PIWIL3: variants seen among roughly 807,000 people sequenced by gnomAD.
PIWIL3 encodes the protein piwi-like protein 3.
A neutral mutation model predicts 109.7 loss-of-function variants in PIWIL3; 101 were observed. The ratio of observed to expected loss-of-function variants is 0.92; its 90% CI spans 0.78 to 1.09. The LOEUF (loss-of-function observed/expected upper bound fraction) is 1.09, where lower values mean the gene tolerates loss of function less well. PIWIL3 is among the 50% of genes least tolerant of loss of function. PIWIL3 has a pLI of 0.00. For missense variants in PIWIL3, 1,031 were observed against 1,072.6 expected, an observed-to-expected ratio of 0.96 and a Z score of 0.54; for synonymous variants, 373 against 376.4, an observed-to-expected ratio of 0.99 and a Z score of 0.10.
chr22:24,719,748 T>C lies in PIWIL3; in HGVS notation c.2505A>G (p.Pro835=). The change falls in exon 20 of 21, where the codon CCA becomes CCG. Residue 835 remains proline (P), a splice_region_variant and synonymous_variant. Transcript: ENST00000616349. ...GAAAAAAGTAACAAAAAGTACTTAC[T>C]GGCAAATTATAATACATGTGGCATA... ...YCLCHMYYNL[P]GIIRVPAPCH... The C allele has an allele frequency of 6.2e-6, 10 of 1,610,314 alleles. No homozygotes were observed. Among genetic ancestry groups the C allele is most frequent in the Non-Finnish European group, 8.5e-6 (10 of 1,177,290 alleles).
chr22:24,735,997 A>C, intron 12 of PIWIL3, 105 bp from the exon 13 acceptor site: 1 of 958,032 alleles, frequency 1.0e-6, no homozygotes, highest in Non-Finnish European at 1.5e-6. Context: ...GAAATGTTAC[A>C]ATTATAAACT....
chr22:24,754,728 T>C, intron 7 of PIWIL3, 56 bp downstream of exon 7: 1 of 1,400,282 alleles, frequency 7.1e-7, no homozygotes, highest in Non-Finnish European at 1.0e-6. Flanking sequence ...AATAACTTTC[T>C]CAAAAAATCC....
intron 12 of PIWIL3, among the ~76,000 whole-genome samples, chr22:24,738,210 T>C (rs1923778127): frequency 6.6e-6 from 1 of 152,106 alleles, no homozygotes; most frequent in Admixed American, 6.5e-5. Context: ...ATCATGTGAT[T>C]TGAGTGCCAG....
chr22:24,762,398 T>G lies in PIWIL3; in HGVS notation c.102A>C (p.Thr34=). ...AAGGAAACAACGTTACAGGGCTCACTGTAGCTGATCCAGGTGCTCTGGGTC... is the reference window on the plus strand; with the variant it reads ...AAGGAAACAACGTTACAGGGCTCACGGTAGCTGATCCAGGTGCTCTGGGTC... The part of the protein sequence containing the change: ...PGGPRAPGSA[T]TQEPPQLQST... The change falls in exon 2 of 21, where the codon ACA becomes ACC. Residue 34 remains threonine (T), a splice_region_variant and synonymous_variant. Transcript: ENST00000616349. The G allele has an allele frequency of 6.2e-7, 1 of 1,612,924 alleles. No homozygotes were observed. The highest frequency in any genetic ancestry group is 1.1e-5 in the South Asian group (1 of 90,830).
chr22:24,736,014 G>A, intron 12 of PIWIL3, 122 bp from the exon 13 acceptor site: 3 of 780,902 alleles, frequency 3.8e-6, no homozygotes, highest in South Asian at 4.6e-5. Flanking sequence ...AACTTGAATG[G>A]CCAATGTAGG....
chr22:24,724,936 G>T lies in PIWIL3; in HGVS notation c.2182C>A (p.His728Asn). The T allele has an allele frequency of 2.5e-6, 4 of 1,614,126 alleles. No homozygotes were observed. Among genetic ancestry groups the T allele is most frequent in the Non-Finnish European group, 3.4e-6 (4 of 1,180,026 alleles). ...TAGGTCGACATCTTTTTCGCTTCAT[G>T]GTCAAGCAATGCTTGAAGCTGACCA... Reference protein sequence around the residue: ...GDGQLQALLDHEAKKMSTYLK... With the variant: ...GDGQLQALLDNEAKKMSTYLK... Residue 728 changes from histidine to asparagine, a missense_variant, in exon 18 of 21, where the codon CAT (histidine) becomes AAT (asparagine). Coordinates refer to ENST00000616349, the MANE Select transcript of PIWIL3 (RefSeq NM_001255975.1).
chr22:24,745,334 C>CA (rs2147686110), intron 12 of PIWIL3, among the ~76,000 whole-genome samples: 1 of 152,242 alleles, frequency 6.6e-6, no homozygotes, highest in East Asian at 1.9e-4. Flanking sequence ...TGGTGTCTCA[C>CA]ACCTGTAATC....
At chr22:24,743,940 A>T (rs543390239) in intron 12 of PIWIL3, among the ~76,000 whole-genome samples, 1 of 152,090 alleles carries the variant, frequency 6.6e-6, no homozygotes, top group Non-Finnish European at 1.5e-5. Context: ...AAGGGGTTAT[A>T]AGACAGTATT....
intron 6 of PIWIL3, 81 bp downstream of exon 6, chr22:24,755,694 TAAGTGCTAG>T (rs746636550): frequency 4.0e-4 from 603 of 1,512,716 alleles, no homozygotes; most frequent in Non-Finnish European, 5.0e-4. Flanking sequence ...GGAAGAACAC[TAAGTGCTAG>T]AAGCAAATGG....
chr22:24,728,403 T>C, intron 14 of PIWIL3, 29 bp from the exon 15 acceptor site: 2 of 1,613,808 alleles, frequency 1.2e-6, no homozygotes, highest in Non-Finnish European at 1.7e-6. Flanking sequence ...TGACATTCCC[T>C]AAGATACAAC....
chr22:24,729,503 G>A (rs545260588), intron 14 of PIWIL3, among the ~76,000 whole-genome samples: 1 of 152,324 alleles, frequency 6.6e-6, no homozygotes, highest in East Asian at 1.9e-4. Flanking sequence ...AAACTTAGGA[G>A]TTACTGAAAC....
chr22:24,760,337 A>G (rs1313413132), intron 2 of PIWIL3, among the ~76,000 whole-genome samples: 2 of 152,172 alleles, frequency 1.3e-5, no homozygotes, highest in Non-Finnish European at 2.9e-5. Context: ...AAGTTACCCA[A>G]GCCAGCAGTG....
chr22:24,748,193 T>C (rs1460359530), intron 12 of PIWIL3, among the ~76,000 whole-genome samples: 13 of 152,200 alleles, frequency 8.5e-5, no homozygotes, highest in South Asian at 2.1e-4. Context: ...AAATGAGCTT[T>C]ACATGTTCTC....
In PIWIL3 at chr22:24,735,781, C is replaced by T; in HGVS notation, c.1561G>A (p.Glu521Lys). ...AGATGACCCTTTAAGGACATGGCTT[C>T]TCTGTGACTGCTCCTGCTATAGAGT... ...LILYSRSSHR[E>K]AMSLKGHLQS... is the part of the protein sequence containing the mutation. Residue 521 changes from glutamate to lysine, a missense_variant, in exon 13 of 21, where the codon GAA becomes AAA. Coordinates refer to ENST00000616349, the MANE Select transcript of PIWIL3 (RefSeq NM_001255975.1). 1.2e-6 allele frequency: 2 copies of T among 1,614,080 alleles called. No homozygotes were observed. The highest frequency in any genetic ancestry group is 2.2e-5 in the East Asian group (1 of 44,858).
At chr22:24,744,178 T>TAAAAAAAAAAAAAAAA (rs1188611412) in intron 12 of PIWIL3, among the ~76,000 whole-genome samples, 5 of 34,316 alleles carry the variant, frequency 1.5e-4, no homozygotes, top group Non-Finnish European at 2.3e-4. Context: ...GTGACCGAAT[T>TAAAAAAAAAAAAAAAA]AAAAAAAAAA....
chr22:24,720,223 C>T (rs1922582152), intron 19 of PIWIL3, among the ~76,000 whole-genome samples: 2 of 147,396 alleles, frequency 1.4e-5, no homozygotes, highest in African/African-American at 5.0e-5. Context: ...TGAAGGCCTG[C>T]TGCCTCGCTG....
At chr22:24,723,375 CT>C in intron 18 of PIWIL3, 120 bp from the exon 19 acceptor site, 1 of 1,012,340 alleles carries the variant, frequency 9.9e-7, no homozygotes, top group Non-Finnish European at 1.4e-6. Context: ...AGCAGCCCTC[CT>C]TACACCCTAA....
chr22:24,763,523 C>T (rs1252912728), intron 1 of PIWIL3, among the ~76,000 whole-genome samples: 1 of 152,084 alleles, frequency 6.6e-6, no homozygotes, highest in Non-Finnish European at 1.5e-5. Context: ...TGGTCGCGAA[C>T]TTCTGACCTC....
Position 24,757,907 on chromosome 22 carries a change from C to A in PIWIL3, c.355+1G>T. Reference sequence around the variant, plus strand: ...AAACATTGAGTTCTAGACCAACATACCTGTTTTTGAGTCTTTAACATGCTT... The same window carrying A: ...AAACATTGAGTTCTAGACCAACATAACTGTTTTTGAGTCTTTAACATGCTT... On this transcript the variant is annotated splice_donor_variant, in intron 4 of 20. Coordinates refer to ENST00000616349, the MANE Select transcript of PIWIL3 (RefSeq NM_001255975.1). LOFTEE classifies it high-confidence loss of function. 6.3e-7 allele frequency: 1 copy of A among 1,598,318 alleles called. No individual in the cohort carries two copies. The highest frequency in any genetic ancestry group is 1.1e-5 in the South Asian group (1 of 87,786).
Sources: gnomAD v4.1 joint callset for allele counts (sites outside exome capture counted in the v4.1 genomes callset) on GRCh38, gnomAD v4.1.1 for gene constraint, MANE v1.5 for transcripts, NCBI Gene and HGNC (gene_info 2026-07-23, HGNC 2026-07-21) for gene names.